The following ADAM23 variants were observed in gnomAD, a reference collection of about 807,000 sequenced individuals.
The protein encoded by ADAM23 is disintegrin and metalloproteinase domain-containing protein 23.
ADAM23 carries 33 observed loss-of-function variants against 120.1 expected under a neutral mutation model. The ratio of observed to expected loss-of-function variants is 0.27; its 90% CI spans 0.21 to 0.37. ADAM23 has a LOEUF of 0.37. ADAM23 is among the 10% of genes least tolerant of loss of function. ADAM23 has a pLI of 1.00. For synonymous variants in ADAM23, 367 were observed against 375.2 expected, an observed-to-expected ratio of 0.98 and a Z score of 0.25; for missense variants, 862 against 1,058.2, an observed-to-expected ratio of 0.81 and a Z score of 2.57.
chr2:206,502,010 C>A (rs1696397677), intron 3 of ADAM23, among the ~76,000 whole-genome samples: 1 of 151,900 alleles, frequency 6.6e-6, no homozygotes, highest in Non-Finnish European at 1.5e-5. Flanking sequence ...AAATTTGATG[C>A]CAAAAATTAA....
chr2:206,548,565 G>A (rs1697447935), intron 8 of ADAM23, among the ~76,000 whole-genome samples: 1 of 152,152 alleles, frequency 6.6e-6, no homozygotes, highest in South Asian at 2.1e-4. Flanking sequence ...ACTGATTACG[G>A]TAGTCTCTGA....
intron 10 of ADAM23, among the ~76,000 whole-genome samples, chr2:206,559,186 C>T (rs1468389592): frequency 6.6e-6 from 1 of 152,144 alleles, no homozygotes; most frequent in Non-Finnish European, 1.5e-5. Context: ...CCCTGTGAAG[C>T]ACCCGCCTCG....
intron 3 of ADAM23, among the ~76,000 whole-genome samples, chr2:206,524,638 A>T (rs1696908160): frequency 6.6e-6 from 1 of 152,268 alleles, no homozygotes; most frequent in Non-Finnish European, 1.5e-5. Context: ...ATGGTGGCAG[A>T]CAAGAGAGAA....
intron 15 of ADAM23, among the ~76,000 whole-genome samples, chr2:206,569,588 A>G (rs537840734): frequency 6.6e-6 from 1 of 152,308 alleles, no homozygotes; most frequent in Admixed American, 6.5e-5. Flanking sequence ...CCGTCTCAGG[A>G]TGGAGGCAGA....
At chr2:206,469,449 A>G (rs1407958649) in intron 2 of ADAM23, among the ~76,000 whole-genome samples, 1 of 152,096 alleles carries the variant, frequency 6.6e-6, no homozygotes, top group African/African-American at 2.4e-5. Context: ...CATCAACTCT[A>G]TTGTTATTTC....
intron 22 of ADAM23, among the ~76,000 whole-genome samples, chr2:206,594,404 A>G (rs751024043): frequency 1.3e-5 from 2 of 152,172 alleles, no homozygotes; most frequent in African/African-American, 4.8e-5. Flanking sequence ...AGCTAATGAT[A>G]TATTTGCTTC....
intron 2 of ADAM23, among the ~76,000 whole-genome samples, chr2:206,475,427 A>G (rs1695756645): frequency 6.6e-6 from 1 of 152,110 alleles, no homozygotes; most frequent in South Asian, 2.1e-4. Flanking sequence ...GCTACAGGAT[A>G]GGTCCAAACT....
intron 6 of ADAM23, among the ~76,000 whole-genome samples, chr2:206,546,336 A>T (rs1242926855): frequency 6.6e-6 from 1 of 152,120 alleles, no homozygotes; most frequent in African/African-American, 2.4e-5. Flanking sequence ...TTAATTTTAG[A>T]TATTTTGATG....
intron 18 of ADAM23, among the ~76,000 whole-genome samples, 164 bp from the exon 19 acceptor site, chr2:206,587,161 A>G (rs537232308): frequency 6.6e-6 from 1 of 152,238 alleles, no homozygotes; most frequent in Non-Finnish European, 1.5e-5. Context: ...TTTACCAATA[A>G]TAGGATAAAT....
In ADAM23 at chr2:206,596,079, G is replaced by A; in HGVS notation, c.2276G>A (p.Cys759Tyr). Residue 759 changes from cysteine (C) to tyrosine (Y), a missense_variant, in exon 24 of 26, where the codon TGT becomes TAT. Physicochemically the swap from Cys to Tyr is radical, Grantham distance 194. Coordinates refer to ENST00000264377, the MANE Select transcript of ADAM23 (RefSeq NM_003812.4). ...GVCSNEATCI[C>Y]DFTWAGTDCS... is the part of the protein sequence containing the mutation. ...TGTAGTAATGAAGCCACCTGCATTT[G>A]TGATTTCACCTGGGCAGGGACAGAT... is the stretch of plus-strand genomic sequence containing the variant. The A allele has an allele frequency of 6.2e-7, 1 of 1,613,942 alleles. No individual in the cohort carries two copies. Among genetic ancestry groups the A allele is most frequent in the Middle Eastern group, 1.6e-4 (1 of 6,062 alleles).
intron 4 of ADAM23, among the ~76,000 whole-genome samples, chr2:206,540,828 G>T (rs145251171): frequency 2.0e-5 from 3 of 151,756 alleles, no homozygotes; most frequent in African/African-American, 7.3e-5. Context: ...ATAGGAAGTC[G>T]GGGACTTCCC....
intron 6 of ADAM23, among the ~76,000 whole-genome samples, chr2:206,543,623 T>G (rs1015922390): frequency 6.6e-6 from 1 of 152,142 alleles, no homozygotes; most frequent in African/African-American, 2.4e-5. Context: ...TAAACTAGCT[T>G]TCATAGAAGT....
At position 206,509,614 on chromosome 2, in the gene ADAM23, A is replaced by G. The variant is rs150356480; in HGVS notation, c.510-21271A>G. On this transcript the variant is annotated intron_variant, in intron 3 of 25. Coordinates refer to ENST00000264377, the MANE Select transcript of ADAM23 (RefSeq NM_003812.4). Reference sequence around the variant, plus strand: ...CAGGCATGCGCCATCACGCCCAGCTAATTTTTGTATTTTTAGTGGAGATGG... The same window carrying G: ...CAGGCATGCGCCATCACGCCCAGCTGATTTTTGTATTTTTAGTGGAGATGG... Among the ~76,000 whole-genome samples, 812 of 152,016 alleles carry G rather than the reference A, an allele frequency of 5.3e-3. 17 individuals are homozygous for G. Among genetic ancestry groups the G allele is most frequent in the African/African-American group, 0.019 (784 of 41,476 alleles).
intron 11 of ADAM23, among the ~76,000 whole-genome samples, 198 bp downstream of exon 11, chr2:206,560,316 AC>A (rs1459195155): frequency 1.3e-5 from 2 of 151,068 alleles, no homozygotes; most frequent in East Asian, 3.9e-4. Context: ...CACAATATCT[AC>A]CTTTAGAGCC....
intron 2 of ADAM23, among the ~76,000 whole-genome samples, chr2:206,456,411 G>T (rs935850553): frequency 6.6e-6 from 1 of 150,898 alleles, no homozygotes; most frequent in African/African-American, 2.4e-5. Flanking sequence ...TGAGATTTGC[G>T]TAGGGACATA....
intron 21 of ADAM23, among the ~76,000 whole-genome samples, chr2:206,589,777 A>G (rs1280034966): frequency 6.6e-6 from 1 of 152,168 alleles, no homozygotes; most frequent in East Asian, 1.9e-4. Flanking sequence ...TTTTGTTCTG[A>G]CGAGATACTT....
chr2:206,608,799 A>G (rs946515668), intron 24 of ADAM23, among the ~76,000 whole-genome samples: 2 of 152,206 alleles, frequency 1.3e-5, no homozygotes, highest in Admixed American at 6.5e-5. Flanking sequence ...ATTTATGTAC[A>G]CAGTTGAGGG....
intron 2 of ADAM23, among the ~76,000 whole-genome samples, chr2:206,451,584 C>T (rs2105850470): frequency 6.6e-6 from 1 of 152,306 alleles, no homozygotes; most frequent in Admixed American, 6.5e-5. Context: ...TACTTAGTTC[C>T]TCTAAGAACC....
intron 2 of ADAM23, among the ~76,000 whole-genome samples, chr2:206,469,339 A>C (rs1309843748): frequency 1.3e-5 from 2 of 152,042 alleles, no homozygotes; most frequent in African/African-American, 4.8e-5. Flanking sequence ...GACATTTTAG[A>C]GTTTTCTTGT....
Sources: allele counts gnomAD v4.1 joint callset (sites outside exome capture counted in the v4.1 genomes callset), GRCh38; gene constraint gnomAD v4.1.1; transcripts MANE v1.5; gene names NCBI Gene and HGNC (gene_info 2026-07-23, HGNC 2026-07-21).